TNRC6C: variants seen among roughly 807,000 people sequenced by gnomAD.
TNRC6C encodes trinucleotide repeat containing adaptor 6C, also known as trinucleotide repeat-containing gene 6C protein.
Under a neutral mutation model 153.7 loss-of-function variants are expected in TNRC6C, and 20 were observed. That is an observed-to-expected ratio of 0.13 (90% CI 0.09 to 0.19). The LOEUF (loss-of-function observed/expected upper bound fraction) is 0.19. Ranked by LOEUF, TNRC6C falls within the 10% of genes least tolerant of loss-of-function variation. The pLI is 1.00. For missense variants in TNRC6C, 1,987 were observed against 2,172.0 expected (o/e 0.91, Z 1.69); for synonymous variants, 811 against 841.4 (o/e 0.96, Z 0.63).
exon 7 of TNRC6C, chr17:78,073,052 G>A: frequency 6.4e-7 from 1 of 1,556,244 alleles, no homozygotes; most frequent in East Asian, 2.4e-5. Flanking sequence ...GCCAGCTGAG[G>A]AGGCCTTGAA....
At chr17:78,088,802 G>C (rs1208953676) in intron 13 of TNRC6C, among the ~76,000 whole-genome samples, 1 of 151,818 alleles carries the variant, frequency 6.6e-6, no homozygotes, top group Non-Finnish European at 1.5e-5. Flanking sequence ...CTAGCACATA[G>C]CAAACACTTT....
intron 2 of TNRC6C, among the ~76,000 whole-genome samples, chr17:78,036,291 T>C (rs1159450503): frequency 1.3e-5 from 2 of 152,200 alleles, no homozygotes; most frequent in Non-Finnish European, 2.9e-5. Context: ...GTGGAAGGAA[T>C]TGACGGAGTT....
In TNRC6C at chr17:78,014,444, G is replaced by C. The variant is rs369562043; in HGVS notation, c.-546+9365G>C. On this transcript the variant is annotated intron_variant, in intron 1 of 19. Transcript: ENST00000301624. Reference sequence around the variant, plus strand: ...TGCTCTTAGCGGCATTTTCTAAATTGATCTTCTAAATAAGCCTGTTGTTTA... The same window carrying C: ...TGCTCTTAGCGGCATTTTCTAAATTCATCTTCTAAATAAGCCTGTTGTTTA... Among the ~76,000 whole-genome samples, 3 of 151,994 alleles carry C rather than the reference G, an allele frequency of 2.0e-5. No individual in the cohort carries two copies. In the East Asian group the frequency reaches 5.8e-4, roughly 29 times the overall value.
rs1432957979 is a variant in TNRC6C, at chr17:78,104,867, G to A, written c.*22G>A. The A allele has an allele frequency of 2.1e-6, 3 of 1,399,938 alleles. No individual in the cohort carries two copies. The highest frequency in any genetic ancestry group is 2.9e-5 in the East Asian group (1 of 34,890). 86.7% of individuals were successfully genotyped at this position (1,399,938 alleles called of 1,614,324 possible). ...GTAGGCTCTGCCATCATCAGCACCA[G>A]GAGAGCCGACCCCTCCCGGGACCCC... On this transcript the variant is annotated 3_prime_UTR_variant, in exon 20 of 20. Transcript: ENST00000301624. The surrounding 1 kb of genome is among the most constrained non-coding windows in gnomAD (Gnocchi z 6.2).
At chr17:78,023,922 C>T (rs763328523) in intron 1 of TNRC6C, among the ~76,000 whole-genome samples, 6 of 151,862 alleles carry the variant, frequency 4.0e-5, no homozygotes, top group Non-Finnish European at 8.8e-5. Context: ...CCAGCCTGGC[C>T]GACATGGTGA....
intron 1 of TNRC6C, among the ~76,000 whole-genome samples, chr17:78,009,243 T>G (rs1268722790): frequency 6.6e-6 from 1 of 152,186 alleles, no homozygotes; most frequent in African/African-American, 2.4e-5. Context: ...GTAATCAGTT[T>G]TCTTTATTTT....
chr17:78,004,340 T>C (rs745863944), upstream of TNRC6C: 135 of 1,230,232 alleles, frequency 1.1e-4, no homozygotes, highest in Non-Finnish European at 1.3e-4. Context: ...ATAGCCATTA[T>C]ATGACAAGGT....
chr17:78,096,046 G>C (rs904574606), intron 16 of TNRC6C, among the ~76,000 whole-genome samples: 1 of 152,038 alleles, frequency 6.6e-6, no homozygotes, highest in Non-Finnish European at 1.5e-5. Flanking sequence ...GCAAGACTTC[G>C]TCTCAAAAAA....
intron 1 of TNRC6C, among the ~76,000 whole-genome samples, chr17:77,967,655 G>C (rs1019563391): frequency 2.0e-5 from 3 of 152,138 alleles, no homozygotes; most frequent in African/African-American, 7.2e-5. Flanking sequence ...AAGTGCCACT[G>C]ACCCAATCAT....
intron 11 of TNRC6C, among the ~76,000 whole-genome samples, chr17:78,084,246 C>T (rs1162886061): frequency 6.7e-6 from 1 of 148,668 alleles, no homozygotes; most frequent in African/African-American, 2.5e-5. Context: ...CACCTTTGCA[C>T]TCCAGCCTGG....
chr17:78,015,236 G>A (rs1451695231), intron 1 of TNRC6C, among the ~76,000 whole-genome samples: 1 of 152,110 alleles, frequency 6.6e-6, no homozygotes, highest in Non-Finnish European at 1.5e-5. Context: ...TGTTTCTTAA[G>A]TTCTGAGATG....
chr17:78,086,970 C>T (rs1339050856), exon 13 of TNRC6C: 7 of 1,613,646 alleles, frequency 4.3e-6, no homozygotes, highest in African/African-American at 2.7e-5. Context: ...CCTGTCTCTG[C>T]ACCCCTCTGC....
At chr17:78,101,109 T>C (rs1289728828) in intron 17 of TNRC6C, among the ~76,000 whole-genome samples, 1 of 152,200 alleles carries the variant, frequency 6.6e-6, no homozygotes, top group East Asian at 1.9e-4. Flanking sequence ...ACTTTCCTTA[T>C]AAAACGGAAT....
At chr17:77,957,917 G>A (rs2144002956), upstream of TNRC6C, among the ~76,000 whole-genome samples, 1 of 152,338 alleles carries the variant, frequency 6.6e-6, no homozygotes, top group South Asian at 2.1e-4. Flanking sequence ...GAAGGCTTGC[G>A]CGGTGAAGGT....
intron 1 of TNRC6C, among the ~76,000 whole-genome samples, chr17:77,971,335 C>G (rs2070938453): frequency 6.6e-6 from 1 of 152,206 alleles, no homozygotes. Context: ...AACCAGTCTC[C>G]TTTATGAACC....
upstream of TNRC6C, chr17:77,959,096 A>AGCCGCCGCC (rs1005525455): frequency 7.0e-6 from 1 of 142,102 alleles, no homozygotes; most frequent in Non-Finnish European, 1.5e-5. Flanking sequence ...CCGCCGCCGC[A>AGCCGCCGCC]GCCGCCGCCG....
At chr17:77,994,920 T>C (rs1051725139) in intron 1 of TNRC6C, among the ~76,000 whole-genome samples, 6 of 152,176 alleles carry the variant, frequency 3.9e-5, no homozygotes, top group African/African-American at 1.4e-4. Flanking sequence ...TTTTATTGAT[T>C]GATTGGTGTG....
At chr17:77,966,826 A>G (rs1205431690) in intron 1 of TNRC6C, among the ~76,000 whole-genome samples, 1 of 152,236 alleles carries the variant, frequency 6.6e-6, no homozygotes, top group Non-Finnish European at 1.5e-5. Flanking sequence ...ATCTTATATA[A>G]CAGTCCCAGG....
At chr17:77,974,034 GGA>G (rs1040554978) in intron 1 of TNRC6C, among the ~76,000 whole-genome samples, 2 of 139,868 alleles carry the variant, frequency 1.4e-5, no homozygotes, top group African/African-American at 2.7e-5. Flanking sequence ...AAAAAGACCT[GGA>G]GAGAGGGAGG....
Sources: allele counts gnomAD v4.1 joint callset (sites outside exome capture counted in the v4.1 genomes callset), GRCh38; gene constraint gnomAD v4.1.1; non-coding constraint Gnocchi (gnomAD v3.1); transcripts MANE v1.5; gene names NCBI Gene and HGNC (gene_info 2026-07-23, HGNC 2026-07-21).